Variants in KCNMA1 observed in about 807,000 individuals in gnomAD.
KCNMA1 encodes potassium calcium-activated channel subfamily M alpha 1.
KCNMA1 carries 29 observed loss-of-function variants against 140.0 expected under a neutral mutation model. The observed-to-expected ratio is 0.21, with a 90% CI of 0.15 to 0.28. The LOEUF (loss-of-function observed/expected upper bound fraction) is 0.28. Ranked by LOEUF, KCNMA1 falls within the 10% of genes least tolerant of loss-of-function variation. The pLI is 1.00. For synonymous variants in KCNMA1, 612 were observed against 611.9 expected (o/e 1.00, Z 0.00); for missense variants, 880 against 1,602.2 (o/e 0.55, Z 7.70).
At position 76,953,002 on chromosome 10, in the gene KCNMA1, A is replaced by T. The variant is rs550581813; in HGVS notation, c.2484+799T>A. On this transcript the variant is annotated intron_variant, in intron 21 of 27. Transcript: ENST00000286628. ...AAAGCCAGTGTAGGCATTAAGACCC[A>T]AAGCTGTTAATAGAACAAGGGCAGA... 1.6e-4 allele frequency among the ~76,000 whole-genome samples: 25 copies of T among 152,346 alleles called. No homozygotes were observed. The South Asian group carries it at 4.6e-3, about 28-fold the overall frequency.
chr10:76,924,442 T>G (rs531301987), intron 23 of KCNMA1, among the ~76,000 whole-genome samples: 29 of 152,334 alleles, frequency 1.9e-4, no homozygotes, highest in African/African-American at 7.0e-4. Flanking sequence ...TCTTTTTGGT[T>G]TCTATAATTG....
At chr10:77,057,342 A>T (rs953379008) in intron 14 of KCNMA1, among the ~76,000 whole-genome samples, 1 of 152,186 alleles carries the variant, frequency 6.6e-6, no homozygotes, top group Non-Finnish European at 1.5e-5. Context: ...AGTGAAATAA[A>T]GATATTTTCA....
At chr10:77,079,754 A>T (rs2096515933) in intron 12 of KCNMA1, 2 of 617,116 alleles carry the variant, frequency 3.2e-6, no homozygotes. Flanking sequence ...TTCACTGGAC[A>T]AGCCCAGCAG....
intron 25 of KCNMA1, among the ~76,000 whole-genome samples, chr10:76,908,065 A>T (rs2048515895): frequency 6.6e-6 from 1 of 152,250 alleles, no homozygotes; most frequent in Non-Finnish European, 1.5e-5. Context: ...ACCAGCTCTT[A>T]GAACAGTCTT....
intron 1 of KCNMA1, among the ~76,000 whole-genome samples, chr10:77,413,269 C>T (rs560495450): frequency 1.3e-5 from 2 of 152,212 alleles, no homozygotes; most frequent in Admixed American, 6.5e-5. Flanking sequence ...CTTAGGAAGC[C>T]CTGGGGCTGC....
chr10:77,492,373 T>C (rs2040264028), intron 1 of KCNMA1, among the ~76,000 whole-genome samples: 1 of 152,230 alleles, frequency 6.6e-6, no homozygotes, highest in Non-Finnish European at 1.5e-5. Flanking sequence ...CTGGATCACC[T>C]CCTTGGCCTT....
intron 18 of KCNMA1, among the ~76,000 whole-genome samples, chr10:77,007,653 G>GTGTATATATATATATATATATATATA: frequency 1.1e-5 from 1 of 88,478 alleles, no homozygotes; most frequent in African/African-American, 4.5e-5. Context: ...TTGTGTGTGT[G>GTGTATATATATATATATATATATATA]TATATATATA....
At chr10:77,374,134 A>G (rs1289495215) in intron 2 of KCNMA1, among the ~76,000 whole-genome samples, 7 of 152,208 alleles carry the variant, frequency 4.6e-5, no homozygotes, top group Non-Finnish European at 1.5e-5. Context: ...TAAGAGGCAG[A>G]GACAAACCCT....
chr10:77,505,153 C>G (rs1469896535), intron 1 of KCNMA1, among the ~76,000 whole-genome samples: 1 of 152,220 alleles, frequency 6.6e-6, no homozygotes, highest in African/African-American at 2.4e-5. Flanking sequence ...TGCCCCCTTG[C>G]TACGTGCCTG....
At chr10:76,927,346 G>A (rs76364259) in intron 23 of KCNMA1, among the ~76,000 whole-genome samples, 3,446 of 152,262 alleles carry the variant, frequency 0.023, 61 homozygotes, top group Middle Eastern at 0.058. Flanking sequence ...TGGGCTAAAG[G>A]AAGAGAAACC....
intron 1 of KCNMA1, among the ~76,000 whole-genome samples, chr10:77,409,280 GAAGGGAC>G (rs1462589257): frequency 6.6e-6 from 1 of 152,178 alleles, no homozygotes. Flanking sequence ...CAAAGCTTGA[GAAGGGAC>G]CTTAGCAATT....
intron 1 of KCNMA1, among the ~76,000 whole-genome samples, chr10:77,463,372 C>T (rs751749153): frequency 2.9e-4 from 44 of 152,124 alleles, no homozygotes; most frequent in African/African-American, 8.7e-4. Flanking sequence ...TTCTATAAAA[C>T]GGGGTGAATA....
At chr10:77,233,052 A>G (rs1335255857) in intron 3 of KCNMA1, among the ~76,000 whole-genome samples, 1 of 152,162 alleles carries the variant, frequency 6.6e-6, no homozygotes, top group Non-Finnish European at 1.5e-5. Flanking sequence ...ATACCTGGCT[A>G]ATGTTTAAAA....
At chr10:77,452,275 G>A (rs935088811) in intron 1 of KCNMA1, among the ~76,000 whole-genome samples, 6 of 152,186 alleles carry the variant, frequency 3.9e-5, no homozygotes, top group African/African-American at 1.4e-4. Context: ...CCCAGATGGG[G>A]GAGATGATCA....
In KCNMA1 at chr10:77,584,266, C is replaced by T. The variant is rs79576347; in HGVS notation, c.378+52999G>A. ...ACTCGTCCTCCCCTAGCAACAAGCACCAACAATCCAACATATACGTAAGAC... is the reference window on the plus strand; with the variant it reads ...ACTCGTCCTCCCCTAGCAACAAGCATCAACAATCCAACATATACGTAAGAC... On this transcript the variant is annotated intron_variant, in intron 1 of 27. Transcript: ENST00000286628. 8.2e-3 allele frequency among the ~76,000 whole-genome samples: 1,244 copies of T among 152,328 alleles called. 16 individuals carry two copies. The highest frequency in any genetic ancestry group is 0.027 in the African/African-American group (1,112 of 41,582).
intron 2 of KCNMA1, among the ~76,000 whole-genome samples, chr10:77,252,614 CCACACACACA>C (rs537358065): frequency 6.8e-6 from 1 of 147,662 alleles, no homozygotes. Context: ...TTACACCCAC[CCACACACACA>C]CACACTCCTG....
At chr10:77,395,605 C>G (rs1238365247) in intron 2 of KCNMA1, among the ~76,000 whole-genome samples, 1 of 152,218 alleles carries the variant, frequency 6.6e-6, no homozygotes, top group East Asian at 1.9e-4. Context: ...TATTTATATG[C>G]TGATATGCAT....
At chr10:77,219,350 T>C (rs2048820320) in intron 3 of KCNMA1, among the ~76,000 whole-genome samples, 1 of 152,116 alleles carries the variant, frequency 6.6e-6, no homozygotes, top group Admixed American at 6.5e-5. Context: ...AAAAAGTTAA[T>C]AGACATAGGA....
At chr10:77,501,634 C>A (rs1167884928) in intron 1 of KCNMA1, among the ~76,000 whole-genome samples, 4 of 152,320 alleles carry the variant, frequency 2.6e-5, no homozygotes, top group Non-Finnish European at 5.9e-5. Context: ...GGCAAGACTG[C>A]AGAGCTGAGC....
Sources: allele counts gnomAD v4.1 joint callset (sites outside exome capture counted in the v4.1 genomes callset), GRCh38; gene constraint gnomAD v4.1.1; transcripts MANE v1.5; gene names NCBI Gene and HGNC (gene_info 2026-07-23, HGNC 2026-07-21).